Variants in CARMIL1 observed in about 807,000 individuals in gnomAD.
The protein encoded by CARMIL1 is capping protein regulator and myosin 1 linker 1.
A neutral mutation model predicts 177.1 loss-of-function variants in CARMIL1; 90 were observed. That is an observed-to-expected ratio of 0.51 (90% CI 0.43 to 0.61). The LOEUF (loss-of-function observed/expected upper bound fraction) is 0.61. CARMIL1 is among the 20% of genes least tolerant of loss of function. The pLI is 0.00. For missense variants in CARMIL1, 1,380 were observed against 1,667.0 expected, an observed-to-expected ratio of 0.83 and a Z score of 3.00; for synonymous variants, 577 against 606.2, an observed-to-expected ratio of 0.95 and a Z score of 0.71.
intron 29 of CARMIL1, among the ~76,000 whole-genome samples, chr6:25,569,980 C>CT (rs879511335): frequency 6.6e-4 from 98 of 148,036 alleles, no homozygotes; most frequent in Admixed American, 1.7e-3. Context: ...AATTTTCCCA[C>CT]TTTTTTTTTT....
intron 11 of CARMIL1, among the ~76,000 whole-genome samples, chr6:25,477,304 G>A (rs895030054): frequency 2.0e-5 from 3 of 152,036 alleles, no homozygotes; most frequent in Non-Finnish European, 4.4e-5. Context: ...TCACATCTAT[G>A]TACAGAGGAC....
chr6:25,451,631 G>A (rs1798938082), intron 8 of CARMIL1, among the ~76,000 whole-genome samples: 1 of 152,172 alleles, frequency 6.6e-6, no homozygotes, highest in African/African-American at 2.4e-5. Flanking sequence ...TAGCACAGCA[G>A]ACCTGGCAAA....
In CARMIL1 at chr6:25,373,215, CT is replaced by C. The variant is rs568734233; in HGVS notation, c.139-46889del. Among the ~76,000 whole-genome samples the C allele has an allele frequency of 3.0e-3, 443 of 147,260 alleles. 2 individuals are homozygous for C. Among genetic ancestry groups the C allele is most frequent in the African/African-American group, 9.4e-3 (379 of 40,262 alleles). On this transcript the variant is annotated intron_variant, in intron 2 of 36. Coordinates refer to ENST00000329474, the MANE Select transcript of CARMIL1 (RefSeq NM_017640.6). ...GGTATTGTTCTGTAGTTTTCTTTGTCTTTTTTTTTTCTGTTATATCCTTTCC... is the reference window on the plus strand; with the variant it reads ...GGTATTGTTCTGTAGTTTTCTTTGTCTTTTTTTTTCTGTTATATCCTTTCC...
intron 2 of CARMIL1, among the ~76,000 whole-genome samples, chr6:25,376,539 G>T (rs1790999192): frequency 6.6e-6 from 1 of 152,166 alleles, no homozygotes; most frequent in East Asian, 1.9e-4. Context: ...CAGGGATGAA[G>T]ACTGTGTATG....
Position 25,594,405 on chromosome 6 carries a change from T to A in CARMIL1, c.3007-10T>A. ...CATGTGAATTAACATTACATCTGTT[T>A]GTTTTGCAGGTCTGTGCTGCCAACA... On this transcript the variant is annotated splice_polypyrimidine_tract_variant and intron_variant, in intron 31 of 36. Transcript: ENST00000329474. The A allele has an allele frequency of 6.5e-7, 1 of 1,546,256 alleles. No individual in the cohort carries two copies. Among genetic ancestry groups the A allele is most frequent in the Non-Finnish European group, 8.9e-7 (1 of 1,124,650 alleles).
intron 9 of CARMIL1, among the ~76,000 whole-genome samples, chr6:25,470,108 T>C (rs1800972036): frequency 6.6e-6 from 1 of 152,174 alleles, no homozygotes; most frequent in South Asian, 2.1e-4. Flanking sequence ...ACATTTTTTA[T>C]TACATGAGAC....
At chr6:25,426,630 T>G (rs969645) in intron 4 of CARMIL1, 70 bp downstream of exon 4, 214,462 of 1,404,630 alleles carry the variant, frequency 0.15, 17,280 homozygotes, top group South Asian at 0.18. Flanking sequence ...AAAATGTTCC[T>G]TGAGACAATG....
chr6:25,431,015 CTT>C (rs535437399), intron 4 of CARMIL1, among the ~76,000 whole-genome samples: 4 of 151,260 alleles, frequency 2.6e-5, no homozygotes, highest in African/African-American at 9.7e-5. Context: ...TTTCAAACAA[CTT>C]TTTTTTTATT....
chr6:25,503,968 G>A (rs924753452), intron 17 of CARMIL1, among the ~76,000 whole-genome samples: 1 of 152,070 alleles, frequency 6.6e-6, no homozygotes, highest in Admixed American at 6.6e-5. Context: ...TGTGGGCTCC[G>A]TAAGAGCTCA....
At chr6:25,345,576 C>T (rs1269333962) in intron 2 of CARMIL1, among the ~76,000 whole-genome samples, 8 of 152,170 alleles carry the variant, frequency 5.3e-5, no homozygotes, top group Non-Finnish European at 1.0e-4. Flanking sequence ...TAGCATCCTG[C>T]TCTTCCACTT....
In CARMIL1 at chr6:25,326,750, GTTTTGAAGGTA is replaced by G. The variant is rs1188778312; in HGVS notation, c.138+41842_138+41852del. Reference sequence around the variant, plus strand: ...AAGCAGTAGATGGATTCTGGTGTATGTTTTGAAGGTAGGGATGATAGGACTTTTGTATATGG... The same window carrying G: ...AAGCAGTAGATGGATTCTGGTGTATGGGGATGATAGGACTTTTGTATATGG... On this transcript the variant is annotated intron_variant, in intron 2 of 36. Coordinates refer to ENST00000329474, the MANE Select transcript of CARMIL1 (RefSeq NM_017640.6). The surrounding 1 kb of genome is among the most constrained non-coding windows in gnomAD (Gnocchi z 4.2). Among the ~76,000 whole-genome samples the G allele has an allele frequency of 1.3e-5, 2 of 152,140 alleles. No individual in the cohort carries two copies. Among genetic ancestry groups the G allele is most frequent in the African/African-American group, 2.4e-5 (1 of 41,436 alleles).
Position 25,279,699 on chromosome 6 carries a change from C to T in CARMIL1, c.-97C>T. On this transcript the variant is annotated 5_prime_UTR_variant, in exon 1 of 37. Coordinates refer to ENST00000329474, the MANE Select transcript of CARMIL1 (RefSeq NM_017640.6). ...CTTGCCCACTTCCATTTGCAAGCTG[C>T]ATCTGCCTCTCTAAAAAAATTGAGG... 1.8e-6 allele frequency: 2 copies of T among 1,139,106 alleles called. No individual in the cohort carries two copies. The highest frequency in any genetic ancestry group is 2.7e-6 in the Non-Finnish European group (2 of 746,644). 70.6% of individuals were successfully genotyped at this position (1,139,106 alleles called of 1,614,324 possible).
At chr6:25,528,714 G>A (rs577263060) in intron 23 of CARMIL1, 81 bp from the exon 24 acceptor site, 3 of 1,046,452 alleles carry the variant, frequency 2.9e-6, no homozygotes, top group Non-Finnish European at 4.3e-6. Flanking sequence ...TTTTAAGTTC[G>A]GCAACTGACT....
chr6:25,373,279 A>ATTGG (rs1790607214), intron 2 of CARMIL1, among the ~76,000 whole-genome samples: 1 of 151,872 alleles, frequency 6.6e-6, no homozygotes, highest in Non-Finnish European at 1.5e-5. Context: ...GTCATAGAAT[A>ATTGG]AGTTATAGAG....
At chr6:25,380,794 C>T (rs1052054230) in intron 2 of CARMIL1, among the ~76,000 whole-genome samples, 11 of 152,118 alleles carry the variant, frequency 7.2e-5, no homozygotes, top group South Asian at 4.1e-4. Context: ...AACTTAGACA[C>T]GCATTTTTCC....
intron 29 of CARMIL1, among the ~76,000 whole-genome samples, chr6:25,572,427 C>T (rs1812162288): frequency 6.6e-6 from 1 of 152,000 alleles, no homozygotes; most frequent in Non-Finnish European, 1.5e-5. Flanking sequence ...GGTGCAGTGG[C>T]TCATGCCTCA....
At chr6:25,323,420 C>CA (rs11288797) in intron 2 of CARMIL1, among the ~76,000 whole-genome samples, 1,685 of 82,290 alleles carry the variant, frequency 0.02, 25 homozygotes, top group South Asian at 0.041. Flanking sequence ...CCTGTCTCTA[C>CA]AAAAAAAAAA....
rs780103132 is a variant in CARMIL1 at position 25,540,012 on chromosome 6, T to G, written c.2262T>G (p.Ser754Arg). 9 of 1,609,154 alleles carry G rather than the reference T, an allele frequency of 5.6e-6. No individual in the cohort carries two copies. Among genetic ancestry groups the G allele is most frequent in the Admixed American group, 3.4e-5 (2 of 59,340 alleles). ...SWAGASGLLS[S>R]PIQETLESMA... ...CGGGAGCCAGTGGCTTACTATCCAG[T>G]CCAATTCAGGAGACCCTGGAATCAA... Residue 754 changes from serine to arginine, a missense_variant, in exon 26 of 37, where the codon AGT (serine) becomes AGG (arginine). Transcript: ENST00000329474.
At chr6:25,428,243 A>G (rs1279932043) in intron 4 of CARMIL1, among the ~76,000 whole-genome samples, 1 of 151,938 alleles carries the variant, frequency 6.6e-6, no homozygotes, top group African/African-American at 2.4e-5. Flanking sequence ...TTTTTCTCAT[A>G]TGTGTATTAT....
Sources: allele counts gnomAD v4.1 joint callset (sites outside exome capture counted in the v4.1 genomes callset), GRCh38; gene constraint gnomAD v4.1.1; non-coding constraint Gnocchi (gnomAD v3.1); transcripts MANE v1.5; gene names NCBI Gene and HGNC (gene_info 2026-07-23, HGNC 2026-07-21).